The following FANCI variants were observed in gnomAD, a reference collection of about 807,000 sequenced individuals.
FANCI encodes the protein FA complementation group I.
A neutral mutation model predicts 176.1 loss-of-function variants in FANCI; 156 were observed. That is an observed-to-expected ratio of 0.89 (90% CI 0.78 to 1.01). FANCI has a LOEUF of 1.01. FANCI is among the 50% of genes least tolerant of loss of function. The pLI, the probability that FANCI is intolerant of heterozygous loss-of-function variation, is 0.00. For missense variants in FANCI, 1,678 were observed against 1,534.1 expected (o/e 1.09, Z -1.57); for synonymous variants, 613 against 541.7 (o/e 1.13, Z -1.83).
chr15:89,313,008 T>G (rs1443959841), intron 35 of FANCI, 36 bp downstream of exon 35: 1 of 1,593,516 alleles, frequency 6.3e-7, no homozygotes, highest in Non-Finnish European at 8.6e-7. Context: ...AATATGCTTG[T>G]TGGTGAACCC....
intron 14 of FANCI, among the ~76,000 whole-genome samples, chr15:89,279,094 A>G (rs1231216301): frequency 6.6e-6 from 1 of 152,138 alleles, no homozygotes; most frequent in Non-Finnish European, 1.5e-5. Context: ...TAGCCTTGAC[A>G]TTTGGACTGC....
chr15:89,263,515 C>G (rs2052805049), intron 7 of FANCI, 55 bp downstream of exon 7: 13 of 1,430,736 alleles, frequency 9.1e-6, no homozygotes. Flanking sequence ...AACTTACTTG[C>G]TAGAAATTAA....
chr15:89,303,881 C>T lies in FANCI; in HGVS notation c.3024C>T (p.Ser1008=). The T allele has an allele frequency of 6.2e-7, 1 of 1,613,950 alleles. No individual in the cohort carries two copies. Among genetic ancestry groups the T allele is most frequent in the Non-Finnish European group, 8.5e-7 (1 of 1,179,884 alleles). ...PSSPQFVQML[S]WTSKICKENS... ...TAATTTAGTTTGTGCAGATGTTATC[C>T]TGGACATCAAAGATTTGCAAGGAAA... Residue 1008 remains serine, a synonymous_variant, in exon 28 of 38, where the codon TCC becomes TCT. Coordinates refer to ENST00000310775, the MANE Select transcript of FANCI (RefSeq NM_001113378.2).
intron 30 of FANCI, 47 bp downstream of exon 30, chr15:89,305,456 C>T (rs2054681706): frequency 6.2e-7 from 1 of 1,611,972 alleles, no homozygotes; most frequent in Admixed American, 1.7e-5. Context: ...TCATTCTTTC[C>T]ATTCTACTCC....
chr15:89,293,150 A>G, intron 22 of FANCI, 87 bp downstream of exon 22: 2 of 1,423,988 alleles, frequency 1.4e-6, no homozygotes, highest in Non-Finnish European at 2.0e-6. Context: ...TCTAGGCAGT[A>G]AACAGACCAC....
intron 24 of FANCI, among the ~76,000 whole-genome samples, chr15:89,297,733 AGACCGTGGAAAGAGAGGGAGAGG>A (rs1259369217): frequency 5.2e-4 from 69 of 133,088 alleles, no homozygotes; most frequent in African/African-American, 1.9e-3. Flanking sequence ...CATCAGAGGG[AGACCGTGGAAAGAGAGGGAGAGG>A]GAGACCGTGG....
intron 1 of FANCI, among the ~76,000 whole-genome samples, chr15:89,246,205 A>G (rs1019084755): frequency 2.0e-5 from 3 of 152,132 alleles, no homozygotes; most frequent in African/African-American, 4.8e-5. Flanking sequence ...ACTGAATTCT[A>G]TCTGCTTCAT....
intron 24 of FANCI, among the ~76,000 whole-genome samples, chr15:89,297,067 C>T (rs895865541): frequency 1.3e-5 from 2 of 150,996 alleles, no homozygotes; most frequent in Admixed American, 1.3e-4. Flanking sequence ...GGAGACGCTC[C>T]TCACTTCCCA....
intron 4 of FANCI, among the ~76,000 whole-genome samples, chr15:89,261,147 A>G (rs545747819): frequency 1.3e-5 from 2 of 152,142 alleles, no homozygotes; most frequent in East Asian, 3.9e-4. Flanking sequence ...GGCGCATGTC[A>G]GTGGTCACAG....
At chr15:89,306,995 A>G (rs2054747199) in intron 32 of FANCI, among the ~76,000 whole-genome samples, 2 of 152,186 alleles carry the variant, frequency 1.3e-5, no homozygotes, top group African/African-American at 2.4e-5. Flanking sequence ...AATACAAGGC[A>G]TACCCTGCCC....
intron 2 of FANCI, among the ~76,000 whole-genome samples, chr15:89,251,588 C>G (rs113607856): frequency 1.3e-5 from 2 of 152,000 alleles, no homozygotes; most frequent in South Asian, 2.1e-4. Context: ...ATGTAACTTA[C>G]GAATATTGAT....
rs74034407 is a variant in FANCI at position 89,313,304 on chromosome 15, A to G, written c.3720+332A>G. Among the ~76,000 whole-genome samples, 650 of 152,322 alleles carry G rather than the reference A, an allele frequency of 4.3e-3. 8 individuals are homozygous for G. Among genetic ancestry groups the G allele is most frequent in the African/African-American group, 0.015 (622 of 41,570 alleles). On this transcript the variant is annotated intron_variant, in intron 35 of 37. Coordinates refer to ENST00000310775, the MANE Select transcript of FANCI (RefSeq NM_001113378.2). ...GAGTGAATTGTATGGTATATGAATT[A>G]CAGCTCTATCAAGCTGTTAGAAAAA... is the stretch of plus-strand genomic sequence containing the variant.
chr15:89,310,299 T>C (rs1243010277), intron 34 of FANCI, among the ~76,000 whole-genome samples: 1 of 152,208 alleles, frequency 6.6e-6, no homozygotes, highest in Non-Finnish European at 1.5e-5. Flanking sequence ...AAACAGGCAG[T>C]GGGCCAGATT....
chr15:89,305,074 C>G, intron 28 of FANCI, 41 bp from the exon 29 acceptor site: 5 of 1,610,442 alleles, frequency 3.1e-6, no homozygotes, highest in Non-Finnish European at 4.2e-6. Context: ...CTGCACTTGG[C>G]CACAACTTAC....
intron 24 of FANCI, among the ~76,000 whole-genome samples, chr15:89,296,594 C>T (rs889408461): frequency 6.6e-6 from 1 of 152,210 alleles, no homozygotes; most frequent in African/African-American, 2.4e-5. Flanking sequence ...ATGTCTACTT[C>T]TTTCTACATA....
At chr15:89,263,343 T>A in intron 6 of FANCI, 76 bp from the exon 7 acceptor site, 1 of 1,259,610 alleles carries the variant, frequency 7.9e-7, no homozygotes, top group Non-Finnish European at 1.2e-6. Context: ...GCCCTGTTTT[T>A]TTGTCCTCAT....
rs375074677 is a variant in FANCI, at chr15:89,295,559, G to A, written c.2636+465G>A. Among the ~76,000 whole-genome samples the A allele has an allele frequency of 8.5e-5, 13 of 152,058 alleles. No individual in the cohort carries two copies. In the East Asian group the frequency reaches 1.4e-3, roughly 16 times the overall value. ...CACATGCCTGTCATACCAGCTACTC[G>A]GGAGGCTGAGGCAGGAGAATTGCTC... On this transcript the variant is annotated intron_variant, in intron 24 of 37. Coordinates refer to ENST00000310775, the MANE Select transcript of FANCI (RefSeq NM_001113378.2).
At chr15:89,269,194 T>C (rs190116020) in intron 10 of FANCI, among the ~76,000 whole-genome samples, 17 of 152,308 alleles carry the variant, frequency 1.1e-4, no homozygotes, top group African/African-American at 4.1e-4. Flanking sequence ...CTCATACATA[T>C]TCTTTTTCTG....
At chr15:89,282,586 A>T (rs75440594) in intron 16 of FANCI, 2 of 179,784 alleles carry the variant, frequency 1.1e-5, no homozygotes, top group East Asian at 2.6e-4. Context: ...ATATGCTATT[A>T]TCTTTGTTCT....
Sources: allele counts gnomAD v4.1 joint callset (sites outside exome capture counted in the v4.1 genomes callset), GRCh38; gene constraint gnomAD v4.1.1; transcripts MANE v1.5; gene names NCBI Gene and HGNC (gene_info 2026-07-23, HGNC 2026-07-21).